Variants in SYT1 observed in about 807,000 individuals in gnomAD.
SYT1 encodes the protein synaptotagmin 1, also known as synaptotagmin-1.
In SYT1, 8 loss-of-function variants were observed where a neutral mutation model predicts 44.8. That is an observed-to-expected ratio of 0.18 (90% CI 0.10 to 0.32). SYT1 has a LOEUF of 0.32. Ranked by LOEUF, SYT1 falls within the 10% of genes least tolerant of loss-of-function variation. SYT1 has a pLI of 1.00. For missense variants in SYT1, 286 were observed against 509.3 expected, an observed-to-expected ratio of 0.56 and a Z score of 4.22; for synonymous variants, 154 against 188.8, an observed-to-expected ratio of 0.82 and a Z score of 1.51.
chr12:79,170,363 A>G (rs1871443520), intron 3 of SYT1, among the ~76,000 whole-genome samples: 1 of 151,846 alleles, frequency 6.6e-6, no homozygotes, highest in Non-Finnish European at 1.5e-5. Context: ...AGCATCCATT[A>G]TTTTTTGACT....
At position 79,213,205 on chromosome 12, in the gene SYT1, C is replaced by T. The variant is rs373457939; in HGVS notation, c.-17-4298C>T. Among the ~76,000 whole-genome samples the T allele has an allele frequency of 3.1e-4, 47 of 152,268 alleles. No homozygotes were observed. In the East Asian group the frequency reaches 4.1e-3, roughly 13 times the overall value. On this transcript the variant is annotated intron_variant, in intron 3 of 10. Coordinates refer to ENST00000261205, the MANE Select transcript of SYT1 (RefSeq NM_005639.3). ...TTCACAGAAGTGTTTTTATGCGAAA[C>T]TTCTCTTCAGTATATAATATCTAGG... is the stretch of plus-strand genomic sequence containing the variant.
intron 1 of SYT1, among the ~76,000 whole-genome samples, chr12:78,911,794 G>C (rs1369558006): frequency 6.6e-6 from 1 of 151,924 alleles, no homozygotes; most frequent in East Asian, 1.9e-4. Flanking sequence ...AGACTTAAAT[G>C]CTGGGGAAAC....
intron 9 of SYT1, among the ~76,000 whole-genome samples, chr12:79,373,201 C>T (rs1415496889): frequency 7.9e-5 from 12 of 152,140 alleles, no homozygotes; most frequent in Non-Finnish European, 1.3e-4. Context: ...AATATCCTCT[C>T]CTACAATTTG....
At chr12:79,105,870 ACTC>A in intron 3 of SYT1, among the ~76,000 whole-genome samples, 1 of 150,508 alleles carries the variant, frequency 6.6e-6, no homozygotes, top group East Asian at 2.0e-4. Flanking sequence ...ACAGAGCTAG[ACTC>A]CGTCTCAAGA....
intron 1 of SYT1, among the ~76,000 whole-genome samples, chr12:78,869,214 A>C (rs925764708): frequency 1.3e-5 from 2 of 151,944 alleles, no homozygotes; most frequent in Non-Finnish European, 2.9e-5. Flanking sequence ...ACATTTCCAA[A>C]AAAAAAGATA....
At chr12:78,876,722 ATATAAT>A (rs1217996097) in intron 1 of SYT1, among the ~76,000 whole-genome samples, 1 of 113,420 alleles carries the variant, frequency 8.8e-6, no homozygotes, top group East Asian at 2.3e-4. Context: ...ATATTATATA[ATATAAT>A]TATATATTAT....
Position 79,147,647 on chromosome 12 carries a change from T to G in SYT1, c.-17-69856T>G, listed in dbSNP as rs564607835. 2.0e-5 allele frequency among the ~76,000 whole-genome samples: 3 copies of G among 152,254 alleles called. No individual in the cohort carries two copies. The East Asian group carries it at 5.8e-4, about 29-fold the overall frequency. On this transcript the variant is annotated intron_variant, in intron 3 of 10. Transcript: ENST00000261205. ...TTCTTACAATACATTCAGTACCAAA[T>G]GCAAGTAGCTAATAATTAACTTGAA...
At position 78,901,583 on chromosome 12, in the gene SYT1, A is replaced by G. The variant is rs1452742428; in HGVS notation, c.-217+36474A>G. Among the ~76,000 whole-genome samples the G allele has an allele frequency of 2.0e-5, 3 of 152,162 alleles. 1 individual carries two copies. Among genetic ancestry groups the G allele is most frequent in the Admixed American group, 1.3e-4 (2 of 15,254 alleles). Reference sequence around the variant, plus strand: ...TGGTTGAAGCCATTATTATTTGTGCAAAAAGACAATCTAGTAACACAAGTG... The same window carrying G: ...TGGTTGAAGCCATTATTATTTGTGCGAAAAGACAATCTAGTAACACAAGTG... On this transcript the variant is annotated intron_variant, in intron 1 of 10. Transcript: ENST00000261205.
At chr12:79,017,387 T>C (rs996940485) in intron 2 of SYT1, among the ~76,000 whole-genome samples, 2 of 152,106 alleles carry the variant, frequency 1.3e-5, no homozygotes, top group Non-Finnish European at 2.9e-5. Flanking sequence ...ATAACCACAA[T>C]GTAATGGTAG....
intron 3 of SYT1, among the ~76,000 whole-genome samples, chr12:79,124,222 T>C (rs1370492270): frequency 6.6e-6 from 1 of 152,228 alleles, no homozygotes; most frequent in East Asian, 1.9e-4. Flanking sequence ...TTCAAAATTA[T>C]GTGGCCTGCC....
At chr12:78,946,345 T>C (rs1878653399) in intron 1 of SYT1, among the ~76,000 whole-genome samples, 1 of 152,070 alleles carries the variant, frequency 6.6e-6, no homozygotes, top group South Asian at 2.1e-4. Context: ...GTTCTAGTCA[T>C]ACGTAATGGA....
chr12:79,105,619 G>A (rs764030105), intron 3 of SYT1, among the ~76,000 whole-genome samples: 6 of 152,184 alleles, frequency 3.9e-5, no homozygotes, highest in African/African-American at 7.2e-5. Context: ...GGTGGCTCAC[G>A]CCTGTAATCC....
chr12:79,047,626 T>C (rs944343240), intron 3 of SYT1, among the ~76,000 whole-genome samples: 3 of 151,896 alleles, frequency 2.0e-5, no homozygotes, highest in Non-Finnish European at 3.0e-5. Context: ...TTGACTAGCA[T>C]AGTATCATCT....
chr12:79,254,364 T>C (rs1877395682), intron 4 of SYT1, among the ~76,000 whole-genome samples: 2 of 152,212 alleles, frequency 1.3e-5, no homozygotes, highest in South Asian at 2.1e-4. Flanking sequence ...GCATGGTTTA[T>C]TGAATATTTT....
intron 9 of SYT1, among the ~76,000 whole-genome samples, chr12:79,358,065 T>C (rs961657726): frequency 1.3e-5 from 2 of 152,324 alleles, no homozygotes; most frequent in East Asian, 3.9e-4. Flanking sequence ...ATTTGTGTCA[T>C]AGCAATCACT....
At chr12:79,286,052 G>T in intron 5 of SYT1, 81 bp downstream of exon 5, 1 of 1,447,944 alleles carries the variant, frequency 6.9e-7, no homozygotes, top group Non-Finnish European at 9.2e-7. Context: ...TATAATTACA[G>T]AAATAAACAA....
At chr12:79,323,235 G>C (rs768585039) in intron 8 of SYT1, among the ~76,000 whole-genome samples, 3 of 150,542 alleles carry the variant, frequency 2.0e-5, no homozygotes, top group Non-Finnish European at 4.4e-5. Flanking sequence ...GGTTTTTAAT[G>C]TCTTCCAAAG....
intron 4 of SYT1, among the ~76,000 whole-genome samples, chr12:79,230,769 A>G (rs1329322316): frequency 6.6e-6 from 1 of 152,196 alleles, no homozygotes; most frequent in Non-Finnish European, 1.5e-5. Flanking sequence ...GCCACCAAGT[A>G]AATTAAAATC....
chr12:78,962,654 C>A (rs1006986713), intron 1 of SYT1, among the ~76,000 whole-genome samples: 13 of 151,964 alleles, frequency 8.6e-5, no homozygotes, highest in South Asian at 4.1e-4. Flanking sequence ...TAAATCTGAG[C>A]TGTCATTTAA....
Sources: allele counts gnomAD v4.1 joint callset (sites outside exome capture counted in the v4.1 genomes callset), GRCh38; gene constraint gnomAD v4.1.1; transcripts MANE v1.5; gene names NCBI Gene and HGNC (gene_info 2026-07-23, HGNC 2026-07-21).